RAP1GAP2: variants seen among roughly 807,000 people sequenced by gnomAD.
RAP1GAP2 encodes rap1 GTPase-activating protein 2.
In RAP1GAP2, 27 loss-of-function variants were observed where a neutral mutation model predicts 95.0. The observed-to-expected ratio is 0.28, with a 90% confidence interval of 0.21 to 0.39. The LOEUF (loss-of-function observed/expected upper bound fraction) is 0.39, where lower values mean the gene tolerates loss of function less well. Ranked by LOEUF, RAP1GAP2 falls within the 10% of genes least tolerant of loss-of-function variation. The pLI is 1.00. For synonymous variants in RAP1GAP2, 373 were observed against 380.9 expected, an observed-to-expected ratio of 0.98 and a Z score of 0.24; for missense variants, 771 against 970.0, an observed-to-expected ratio of 0.79 and a Z score of 2.72.
chr17:2,905,351 G>C lies in RAP1GAP2; in HGVS notation c.148G>C (p.Ala50Pro). 6.2e-7 allele frequency: 1 copy of C among 1,613,490 alleles called. No individual in the cohort carries two copies. The highest frequency in any genetic ancestry group is 8.5e-7 in the Non-Finnish European group (1 of 1,179,580). Reference sequence around the variant, plus strand: ...CCGGCCGCTCTCCCCTCCTCTCACGGCACCTCCCACCATGAAGGTAAGAGG... The same window carrying C: ...CCGGCCGCTCTCCCCTCCTCTCACGCCACCTCCCACCATGAAGGTAAGAGG... ...PDRPLSPPLTAPPTMKSSEFF... is the reference protein window; with the variant it reads ...PDRPLSPPLTPPPTMKSSEFF... Residue 50 changes from alanine to proline, a missense_variant, in exon 3 of 25, where the codon GCA becomes CCA. Coordinates refer to ENST00000254695, the MANE Select transcript of RAP1GAP2 (RefSeq NM_015085.5).
chr17:3,030,391 T>C (rs1160201721), intron 22 of RAP1GAP2, among the ~76,000 whole-genome samples: 6 of 152,162 alleles, frequency 3.9e-5, no homozygotes, highest in Non-Finnish European at 7.3e-5. Flanking sequence ...GTAAATTCCT[T>C]TTTTTCTATT....
chr17:3,027,056 G>C lies in RAP1GAP2; in HGVS notation c.2093G>C (p.Ser698Thr). Residue 698 changes from serine (S) to threonine (T), a missense_variant, in exon 22 of 25, where the codon AGC becomes ACC. Coordinates refer to ENST00000254695, the MANE Select transcript of RAP1GAP2 (RefSeq NM_015085.5). The surrounding 1 kb of genome is among the most constrained non-coding windows in gnomAD (Gnocchi z 5.2). ...LGAAATPIIM[S>T]RSPTDAKSRN... ...GCAGCTGCCACCCCGATCATCATGA[G>C]CCGGAGTCCCACAGGTCAGTGGCAT... 1 of 1,579,384 alleles carries C rather than the reference G, an allele frequency of 6.3e-7. No homozygotes were observed. The highest frequency in any genetic ancestry group is 8.6e-7 in the Non-Finnish European group (1 of 1,163,032).
chr17:2,973,289 G>A (rs139719289), intron 8 of RAP1GAP2, among the ~76,000 whole-genome samples: 279 of 152,292 alleles, frequency 1.8e-3, no homozygotes, highest in Non-Finnish European at 2.6e-3. Context: ...GCCAAGGCAG[G>A]TGGATCACCT....
intron 3 of RAP1GAP2, among the ~76,000 whole-genome samples, chr17:2,927,422 G>A (rs941984052): frequency 2.6e-5 from 4 of 152,148 alleles, no homozygotes; most frequent in Admixed American, 6.5e-5. Flanking sequence ...CAAAGTGCTG[G>A]GATTACAGGC....
chr17:2,809,310 T>C (rs763262734), intron 2 of RAP1GAP2, among the ~76,000 whole-genome samples: 51 of 152,294 alleles, frequency 3.3e-4, no homozygotes, highest in Admixed American at 7.8e-4. Flanking sequence ...TGTGGGACAG[T>C]GGGCAGGAGG....
chr17:2,874,271 C>T (rs1029673485), intron 2 of RAP1GAP2, among the ~76,000 whole-genome samples: 1 of 152,148 alleles, frequency 6.6e-6, no homozygotes, highest in African/African-American at 2.4e-5. Context: ...GCCAACTGGA[C>T]ATTTGCATTT....
At position 2,963,539 on chromosome 17, in the gene RAP1GAP2, C is replaced by A. The variant is rs921713801; in HGVS notation, c.279+77C>A. On this transcript the variant is annotated intron_variant, in intron 6 of 24. Transcript: ENST00000254695. The surrounding 1 kb of genome is among the most constrained non-coding windows in gnomAD (Gnocchi z 4.8). ...GTCCCTGGGGAAATGATGGCGATGG[C>A]CTGTGCCCAGCCCCCCAGGGGAGAG... 3.8e-6 allele frequency: 6 copies of A among 1,580,512 alleles called. No homozygotes were observed. Among genetic ancestry groups the A allele is most frequent in the Non-Finnish European group, 5.2e-6 (6 of 1,149,926 alleles).
chr17:2,761,979 CTTTTTTTTTTTTTTTTT>C (rs901487276), intron 1 of RAP1GAP2, among the ~76,000 whole-genome samples: 1 of 77,710 alleles, frequency 1.3e-5, no homozygotes, highest in Non-Finnish European at 2.4e-5. Context: ...GTTTATATAT[CTTTTTTTTTTTTTTTTT>C]TTTTTTTTTT....
chr17:2,978,927 C>T (rs1401881773), intron 8 of RAP1GAP2, among the ~76,000 whole-genome samples: 2 of 101,870 alleles, frequency 2.0e-5, no homozygotes, highest in African/African-American at 7.3e-5. Flanking sequence ...AAGAGCGAAA[C>T]TCTGTCTCAA....
intron 3 of RAP1GAP2, among the ~76,000 whole-genome samples, chr17:2,948,356 G>C (rs1421431775): frequency 1.3e-5 from 2 of 152,234 alleles, no homozygotes; most frequent in Non-Finnish European, 2.9e-5. Flanking sequence ...TGCTGCAGGT[G>C]GGGCCAGTGA....
In RAP1GAP2 at chr17:2,905,163, G is replaced by A. The variant is rs539477688; in HGVS notation, c.81-121G>A. 80 of 862,024 alleles carry A rather than the reference G, an allele frequency of 9.3e-5. 4 individuals carry two copies. The highest frequency in any genetic ancestry group is 8.4e-4 in the South Asian group (49 of 58,006). 53.4% of individuals were successfully genotyped at this position (862,024 alleles called of 1,614,324 possible). ...CTCCCAAAGTGCTGGGATTACTGGC[G>A]TGAGCCACCCAACCCAGCCTGCATT... is the stretch of plus-strand genomic sequence containing the variant. On this transcript the variant is annotated intron_variant, in intron 2 of 24. Coordinates refer to ENST00000254695, the MANE Select transcript of RAP1GAP2 (RefSeq NM_015085.5).
intron 3 of RAP1GAP2, among the ~76,000 whole-genome samples, chr17:2,938,524 CCAAGTGCCTCTGGGCCCTGAGCT>C (rs2043374956): frequency 6.6e-6 from 1 of 152,176 alleles, no homozygotes; most frequent in African/African-American, 2.4e-5. Context: ...CCCCACAGCA[CCAAGTGCCTCTGGGCCCTGAGCT>C]CATGGTGTGT....
chr17:2,863,717 CTCTTG>C (rs1260744973), intron 2 of RAP1GAP2, among the ~76,000 whole-genome samples: 2 of 152,138 alleles, frequency 1.3e-5, no homozygotes, highest in African/African-American at 2.4e-5. Context: ...GGAGGCATCT[CTCTTG>C]TCTTTGGTTG....
At chr17:2,978,103 C>T (rs1226976117) in intron 8 of RAP1GAP2, among the ~76,000 whole-genome samples, 2 of 152,192 alleles carry the variant, frequency 1.3e-5, no homozygotes, top group East Asian at 3.8e-4. Flanking sequence ...TGAGGTCCAA[C>T]AGCAAAACTA....
intron 4 of RAP1GAP2, among the ~76,000 whole-genome samples, chr17:2,961,890 A>ATTTTTTTTT (rs34857082): frequency 8.9e-6 from 1 of 111,978 alleles, no homozygotes; most frequent in African/African-American, 3.5e-5. Flanking sequence ...GACCCTAAGG[A>ATTTTTTTTT]TTTTTTTTTT....
At chr17:3,012,532 T>A (rs997163308) in intron 17 of RAP1GAP2, among the ~76,000 whole-genome samples, 1 of 137,366 alleles carries the variant, frequency 7.3e-6, no homozygotes, top group Non-Finnish European at 1.5e-5. Flanking sequence ...GCAGGAGAAT[T>A]GCTCAAACCT....
rs1452273548 is a variant in RAP1GAP2, at chr17:3,029,908, A to C, written c.2108-1014A>C. ...TCCCATATGTCCAACTGATTCTCAC[A>C]GAATGCTTTTAGTGGTGTTTGCTTC... On this transcript the variant is annotated intron_variant, in intron 22 of 24. Transcript: ENST00000254695. This position sits in a 1 kb window ranked among gnomAD's most constrained non-coding sequence, Gnocchi z 4.4. 6.6e-6 allele frequency among the ~76,000 whole-genome samples: 1 copy of C among 151,990 alleles called. No homozygotes were observed. Among genetic ancestry groups the C allele is most frequent in the Admixed American group, 6.6e-5 (1 of 15,238 alleles).
At chr17:2,957,634 C>A in intron 3 of RAP1GAP2, 125 bp from the exon 4 acceptor site, 1 of 1,094,232 alleles carries the variant, frequency 9.1e-7, no homozygotes, top group Non-Finnish European at 1.3e-6. Flanking sequence ...CTCTGTTGAT[C>A]CAAATGAATT....
chr17:2,860,506 G>T (rs1597455558), intron 2 of RAP1GAP2, among the ~76,000 whole-genome samples: 1 of 151,456 alleles, frequency 6.6e-6, no homozygotes, highest in East Asian at 1.9e-4. Flanking sequence ...TCCTTATGGT[G>T]GCCAGAGTGG....
Sources: gnomAD v4.1 joint callset for allele counts (sites outside exome capture counted in the v4.1 genomes callset) on GRCh38, gnomAD v4.1.1 for gene constraint, Gnocchi (gnomAD v3.1) non-coding constraint, MANE v1.5 for transcripts, NCBI Gene and HGNC (gene_info 2026-07-23, HGNC 2026-07-21) for gene names.